The following GRID2 variants were observed in gnomAD, a reference collection of about 807,000 sequenced individuals.
GRID2 encodes glutamate ionotropic receptor delta type subunit 2.
GRID2 carries 33 observed loss-of-function variants against 114.8 expected under a neutral mutation model. The observed-to-expected ratio is 0.29, with a 90% CI of 0.22 to 0.38. The LOEUF (loss-of-function observed/expected upper bound fraction) is 0.38, where lower values mean the gene tolerates loss of function less well. Ranked by LOEUF, GRID2 falls within the 10% of genes least tolerant of loss-of-function variation. The pLI is 1.00. For missense variants in GRID2, 1,184 were observed against 1,257.7 expected (o/e 0.94, Z 0.89); for synonymous variants, 505 against 449.9 (o/e 1.12, Z -1.55).
intron 14 of GRID2, among the ~76,000 whole-genome samples, chr4:93,729,120 A>C (rs1387189554): frequency 6.6e-6 from 1 of 151,330 alleles, no homozygotes; most frequent in Non-Finnish European, 1.5e-5. Flanking sequence ...CTGATCTTGA[A>C]CTCCTGACCT....
intron 1 of GRID2, among the ~76,000 whole-genome samples, chr4:92,510,080 GAAATAAGCA>G (rs1724169784): frequency 6.6e-6 from 1 of 151,860 alleles, no homozygotes; most frequent in Admixed American, 6.6e-5. Context: ...TGAGGGGACA[GAAATAAGCA>G]AAACAACAGC....
At chr4:93,765,414 G>A (rs372565301) in intron 14 of GRID2, among the ~76,000 whole-genome samples, 3 of 151,964 alleles carry the variant, frequency 2.0e-5, no homozygotes, top group Non-Finnish European at 1.5e-5. Flanking sequence ...TTGTGCTGCC[G>A]TGAGCATAAA....
At chr4:92,993,770 T>C (rs1755045285) in intron 2 of GRID2, among the ~76,000 whole-genome samples, 2 of 152,194 alleles carry the variant, frequency 1.3e-5, no homozygotes, top group Admixed American at 6.5e-5. Context: ...TTGTTAAGTA[T>C]CTATTATGAG....
At chr4:93,474,435 A>T (rs933714296) in intron 11 of GRID2, among the ~76,000 whole-genome samples, 2 of 152,178 alleles carry the variant, frequency 1.3e-5, no homozygotes, top group African/African-American at 4.8e-5. Context: ...AACTTGGTCT[A>T]AGTAAATTAT....
At chr4:92,826,728 T>C (rs776316033) in intron 2 of GRID2, among the ~76,000 whole-genome samples, 46 of 152,280 alleles carry the variant, frequency 3.0e-4, no homozygotes, top group Non-Finnish European at 6.0e-4. Context: ...TTTAAATTAA[T>C]TTAGTACTTT....
intron 1 of GRID2, among the ~76,000 whole-genome samples, chr4:92,536,453 C>A (rs1485975498): frequency 6.6e-6 from 1 of 152,132 alleles, no homozygotes; most frequent in Non-Finnish European, 1.5e-5. Flanking sequence ...GACAGACCTA[C>A]CCTGTAGAAT....
At chr4:93,556,240 A>C (rs1370773018) in intron 13 of GRID2, among the ~76,000 whole-genome samples, 1 of 152,132 alleles carries the variant, frequency 6.6e-6, no homozygotes, top group African/African-American at 2.4e-5. Flanking sequence ...CAAGGGAACA[A>C]AACTAGATGG....
chr4:92,445,177 TG>T (rs1241122725), intron 1 of GRID2, among the ~76,000 whole-genome samples: 3 of 152,246 alleles, frequency 2.0e-5, no homozygotes, highest in African/African-American at 7.2e-5. Flanking sequence ...ACAAAGTAGA[TG>T]ATTTGATTTT....
intron 2 of GRID2, among the ~76,000 whole-genome samples, chr4:92,666,227 A>G (rs1732768745): frequency 6.6e-6 from 1 of 151,044 alleles, no homozygotes; most frequent in South Asian, 2.1e-4. Context: ...TTCAGTTATT[A>G]TACTTCCCTG....
chr4:93,124,681 C>T (rs1450844550), intron 4 of GRID2, among the ~76,000 whole-genome samples: 1 of 152,030 alleles, frequency 6.6e-6, no homozygotes, highest in Non-Finnish European at 1.5e-5. Context: ...TACGGTAATG[C>T]CACCCCATGA....
intron 1 of GRID2, among the ~76,000 whole-genome samples, chr4:92,316,058 G>A (rs1462451534): frequency 1.4e-5 from 2 of 139,052 alleles, no homozygotes; most frequent in Non-Finnish European, 3.1e-5. Context: ...GACATTTAAA[G>A]CGAATTAAAA....
At chr4:93,085,384 G>T in intron 3 of GRID2, 105 bp downstream of exon 3, 1 of 879,156 alleles carries the variant, frequency 1.1e-6, no homozygotes, top group South Asian at 1.7e-5. Flanking sequence ...GTTATTTGTG[G>T]TTTTCTTGTC....
At chr4:92,925,012 A>G (rs1749694646) in intron 2 of GRID2, among the ~76,000 whole-genome samples, 2 of 152,082 alleles carry the variant, frequency 1.3e-5, no homozygotes, top group Admixed American at 6.6e-5. Flanking sequence ...GCCCTCTTTA[A>G]GAGTCTTGCC....
At chr4:93,511,405 G>A (rs544671525) in intron 12 of GRID2, among the ~76,000 whole-genome samples, 34 of 152,142 alleles carry the variant, frequency 2.2e-4, no homozygotes, top group African/African-American at 7.0e-4. Context: ...TAACTTACTC[G>A]TAAGCTCTCA....
intron 8 of GRID2, among the ~76,000 whole-genome samples, chr4:93,344,983 TAGTG>T (rs1760066062): frequency 8.7e-6 from 1 of 114,642 alleles, no homozygotes; most frequent in Admixed American, 9.7e-5. Context: ...AGTTGTATTC[TAGTG>T]TGTGTGTGTG....
chr4:93,362,342 A>C (rs772084227), intron 8 of GRID2, among the ~76,000 whole-genome samples: 3 of 151,756 alleles, frequency 2.0e-5, no homozygotes, highest in Non-Finnish European at 4.4e-5. Flanking sequence ...GGTTGTGGAC[A>C]GTTCTTAGGC....
chr4:93,033,763 A>G (rs554738283), intron 2 of GRID2, among the ~76,000 whole-genome samples: 2 of 151,732 alleles, frequency 1.3e-5, no homozygotes, highest in South Asian at 2.1e-4. Context: ...CTGTTTGTGG[A>G]TGCTTTTATG....
At chr4:93,378,803 C>A (rs1763600493) in intron 8 of GRID2, among the ~76,000 whole-genome samples, 1 of 152,036 alleles carries the variant, frequency 6.6e-6, no homozygotes, top group South Asian at 2.1e-4. Flanking sequence ...CTCTATTCTG[C>A]TGTGACTTTG....
At chr4:92,775,595 A>T (rs1039756508) in intron 2 of GRID2, among the ~76,000 whole-genome samples, 5 of 152,142 alleles carry the variant, frequency 3.3e-5, no homozygotes, top group African/African-American at 1.2e-4. Flanking sequence ...CTGTATACAT[A>T]CGGGCTCAGG....
Sources: allele counts gnomAD v4.1 joint callset (sites outside exome capture counted in the v4.1 genomes callset), GRCh38; gene constraint gnomAD v4.1.1; transcripts MANE v1.5; gene names NCBI Gene and HGNC (gene_info 2026-07-23, HGNC 2026-07-21).